Variants in USP49 observed in about 807,000 individuals in gnomAD.
The protein encoded by USP49 is ubiquitin specific peptidase 49.
In USP49, 24 loss-of-function variants were observed where a neutral mutation model predicts 58.6. The observed-to-expected ratio is 0.41, with a 90% confidence interval of 0.30 to 0.58. USP49 has a LOEUF of 0.58. USP49 is among the 20% of genes least tolerant of loss of function. USP49 has a pLI of 0.30. For synonymous variants in USP49, 408 were observed against 365.1 expected (o/e 1.12, Z -1.34); for missense variants, 703 against 866.1 (o/e 0.81, Z 2.36).
At chr6:41,854,256 G>A (rs1774087047) in intron 3 of USP49, among the ~76,000 whole-genome samples, 1 of 147,910 alleles carries the variant, frequency 6.8e-6, no homozygotes, top group South Asian at 2.1e-4. Context: ...GGCGGAGGTT[G>A]CAGTGAGCCA....
In USP49 at chr6:41,806,747, G is replaced by A; in HGVS notation, c.237C>T (p.Cys79=). 6.2e-7 allele frequency: 1 copy of A among 1,614,248 alleles called. No individual in the cohort carries two copies. Among genetic ancestry groups the A allele is most frequent in the Non-Finnish European group, 8.5e-7 (1 of 1,180,040 alleles). The part of the protein sequence containing the change: ...VRDLYVFCYL[C]KDYVLNDNPE... Reference sequence around the variant, plus strand: ...GGTTATCATTGAGCACGTAGTCCTTGCACAGGTAACAGAACACGTAGAGAT... The same window carrying A: ...GGTTATCATTGAGCACGTAGTCCTTACACAGGTAACAGAACACGTAGAGAT... The change falls in exon 4 of 8, where the codon TGC becomes TGT. Residue 79 remains cysteine (C), a synonymous_variant. Transcript: ENST00000682992. The surrounding 1 kb of genome is among the most constrained non-coding windows in gnomAD (Gnocchi z 5.9).
intron 3 of USP49, among the ~76,000 whole-genome samples, chr6:41,867,565 A>C (rs1411898104): frequency 6.9e-6 from 1 of 145,558 alleles, no homozygotes; most frequent in African/African-American, 2.5e-5. Context: ...AATATGGTGA[A>C]ACCCCGTCTC....
rs752915476 is a variant in USP49 at position 41,806,562 on chromosome 6, G to A, written c.422C>T (p.Thr141Met). Residue 141 changes from threonine to methionine, a missense_variant, in exon 4 of 8, where the codon ACG becomes ATG. Physicochemically the swap from Thr to Met is moderately conservative, Grantham distance 81. Around this residue, in one of 6 missense-constraint regions of USP49, gnomAD observed 376 missense variants for 373.5 expected, o/e 1.01. Transcript: ENST00000682992. This position sits in a 1 kb window ranked among gnomAD's most constrained non-coding sequence, Gnocchi z 5.9. ...RAPQGQPQML[T>M]ALWYRRQRLL... ...GCGCTGACGCCGGTACCACAGAGCCGTGAGCATCTGCGGCTGTCCCTGAGG... is the reference window on the plus strand; with the variant it reads ...GCGCTGACGCCGGTACCACAGAGCCATGAGCATCTGCGGCTGTCCCTGAGG... 5 of 1,602,826 alleles carry A rather than the reference G, an allele frequency of 3.1e-6. No individual in the cohort carries two copies. The African/African-American group carries it at 4.0e-5, about 13-fold the overall frequency.
Position 41,797,259 on chromosome 6 carries a change from C to T in USP49, c.1877-536G>A, listed in dbSNP as rs117650594. 8.1e-4 allele frequency among the ~76,000 whole-genome samples: 123 copies of T among 152,266 alleles called. 2 individuals are homozygous for T. In the East Asian group the frequency reaches 0.022, roughly 27 times the overall value. On this transcript the variant is annotated intron_variant, in intron 7 of 7. Transcript: ENST00000682992. The stretch of plus-strand genomic sequence containing the variant: ...ACAGGCGTGAGCCACCGCACCCAGC[C>T]GACTGACTGCAATTTTTATCTTTGT...
intron 3 of USP49, among the ~76,000 whole-genome samples, chr6:41,862,856 C>T (rs1774247330): frequency 6.6e-6 from 1 of 151,004 alleles, no homozygotes; most frequent in Non-Finnish European, 1.5e-5. Context: ...TCACTGCAAC[C>T]TCCACCTCCC....
At chr6:41,869,267 T>G (rs991971505) in intron 3 of USP49, among the ~76,000 whole-genome samples, 1 of 152,088 alleles carries the variant, frequency 6.6e-6, no homozygotes, top group Admixed American at 6.6e-5. Context: ...CCAGGTACAG[T>G]GGTACCTATA....
chr6:41,809,344 G>A (rs1773203129), intron 3 of USP49, among the ~76,000 whole-genome samples: 1 of 151,714 alleles, frequency 6.6e-6, no homozygotes, highest in Non-Finnish European at 1.5e-5. Flanking sequence ...CCAACATGGT[G>A]AAACCCCATC....
intron 3 of USP49, among the ~76,000 whole-genome samples, chr6:41,854,631 T>C (rs966446149): frequency 5.9e-5 from 9 of 152,328 alleles, no homozygotes; most frequent in African/African-American, 1.9e-4. Context: ...TGCATGTTGA[T>C]GATAGCAGAT....
chr6:41,888,221 AT>A (rs1774749616), intron 2 of USP49, among the ~76,000 whole-genome samples: 1 of 151,604 alleles, frequency 6.6e-6, no homozygotes, highest in Non-Finnish European at 1.5e-5. Flanking sequence ...TGCCCAGCTA[AT>A]TTTTGTATTT....
chr6:41,857,559 T>C (rs986567015), intron 3 of USP49, among the ~76,000 whole-genome samples: 12 of 152,134 alleles, frequency 7.9e-5, no homozygotes, highest in Non-Finnish European at 1.6e-4. Flanking sequence ...GGCAGGAGGA[T>C]CACTTAAGCC....
intron 3 of USP49, among the ~76,000 whole-genome samples, chr6:41,819,310 C>T (rs1773413772): frequency 6.6e-6 from 1 of 152,148 alleles, no homozygotes; most frequent in Middle Eastern, 3.4e-3. Flanking sequence ...TAATGGCTCC[C>T]TGTTCTCTAC....
Position 41,895,342 on chromosome 6 carries a change from C to T in USP49, c.-203G>A, listed in dbSNP as rs1774881321. ...TATTTACCGCCATCATCAGCACGCG[C>T]GAGCTGTCACCAGGGCGCGAGACAA... On this transcript the variant is annotated 5_prime_UTR_variant, in exon 1 of 8. Coordinates refer to ENST00000682992, the MANE Select transcript of USP49 (RefSeq NM_001286554.2). 1 of 150,540 alleles carries T rather than the reference C, an allele frequency of 6.6e-6. No individual in the cohort carries two copies. The highest frequency in any genetic ancestry group is 1.5e-5 in the Non-Finnish European group (1 of 67,490). 9.3% of individuals were successfully genotyped at this position (150,540 alleles called of 1,614,324 possible).
At position 41,806,420 on chromosome 6, in the gene USP49, C is replaced by T; in HGVS notation, c.564G>A (p.Arg188=). 6.3e-7 allele frequency: 1 copy of T among 1,575,404 alleles called. No individual in the cohort carries two copies. Among genetic ancestry groups the T allele is most frequent in the Non-Finnish European group, 8.6e-7 (1 of 1,169,186 alleles). The stretch of plus-strand genomic sequence containing the variant: ...GCAGCCGCCGTTTCACCTCGCGCCG[C>T]CGCCTCCGCGCCTCCTCCTTCTTGC... ...LERKKEEARR[R]RREVKRRLLE... The change falls in exon 4 of 8, where the codon CGG becomes CGA. Residue 188 remains arginine (R), a synonymous_variant. Coordinates refer to ENST00000682992, the MANE Select transcript of USP49 (RefSeq NM_001286554.2). The surrounding 1 kb of genome is among the most constrained non-coding windows in gnomAD (Gnocchi z 5.9).
rs147570826 is a variant in USP49 at position 41,806,855 on chromosome 6, G to T, written c.129C>A (p.His43Gln). The T allele has an allele frequency of 6.2e-7, 1 of 1,613,994 alleles. No individual in the cohort carries two copies. Among genetic ancestry groups the T allele is most frequent in the African/African-American group, 1.3e-5 (1 of 74,894 alleles). Residue 43 changes from histidine (H) to glutamine (Q), a missense_variant, in exon 4 of 8, where the codon CAC becomes CAA. His to Gln is a conservative substitution (Grantham distance 24, BLOSUM62 0). Coordinates refer to ENST00000682992, the MANE Select transcript of USP49 (RefSeq NM_001286554.2). The surrounding 1 kb of genome is among the most constrained non-coding windows in gnomAD (Gnocchi z 5.9). ...CCTCAATATAGCGGCCGCAGGCCACGTGGGAGCACTTGAGGCAGGCCCACA... is the reference window on the plus strand; with the variant it reads ...CCTCAATATAGCGGCCGCAGGCCACTTGGGAGCACTTGAGGCAGGCCCACA... ...ESVWACLKCS[H>Q]VACGRYIEDH...
chr6:41,806,668 T>C lies in USP49; in HGVS notation c.316A>G (p.Lys106Glu). 1.9e-6 allele frequency: 3 copies of C among 1,614,120 alleles called. No homozygotes were observed. The highest frequency in any genetic ancestry group is 1.7e-6 in the Non-Finnish European group (2 of 1,180,030). ...RSSLLAVRGQ[K>E]QDTPVRRGRT... Reference sequence around the variant, plus strand: ...CCACGTCTCACCGGCGTGTCCTGTTTCTGGCCCCGGACCGCCAGGAGGGAG... The same window carrying C: ...CCACGTCTCACCGGCGTGTCCTGTTCCTGGCCCCGGACCGCCAGGAGGGAG... Residue 106 changes from lysine (K) to glutamate (E), a missense_variant, in exon 4 of 8, where the codon AAA (lysine) becomes GAA (glutamate). By Grantham distance (56) the Lys-to-Glu change is moderately conservative. Transcript: ENST00000682992. This position sits in a 1 kb window ranked among gnomAD's most constrained non-coding sequence, Gnocchi z 5.9.
chr6:41,866,024 C>T (rs1473015796), intron 3 of USP49, among the ~76,000 whole-genome samples: 2 of 144,950 alleles, frequency 1.4e-5, no homozygotes, highest in African/African-American at 2.6e-5. Flanking sequence ...CAAGTTCAAG[C>T]GATTCTCCTC....
chr6:41,806,097 G>A lies in USP49; in HGVS notation c.887C>T (p.Ala296Val). Residue 296 changes from alanine (A) to valine (V), a missense_variant, in exon 4 of 8, where the codon GCC becomes GTC. This residue lies in a region of USP49 where 97 missense variants were observed against 88.0 expected (regional missense o/e 1.10). Transcript: ENST00000682992. The surrounding 1 kb of genome is among the most constrained non-coding windows in gnomAD (Gnocchi z 5.9). ...PSKTEHLFPK[A>V]TNGKTQLSGK... is the part of the protein sequence containing the mutation. The stretch of plus-strand genomic sequence containing the variant: ...AGAAAGCTGAGTCTTCCCGTTGGTG[G>A]CTTTGGGAAACAGATGTTCCGTTTT... 1 of 1,614,040 alleles carries A rather than the reference G, an allele frequency of 6.2e-7. No individual in the cohort carries two copies. Among genetic ancestry groups the A allele is most frequent in the Non-Finnish European group, 8.5e-7 (1 of 1,180,034 alleles).
At position 41,807,003 on chromosome 6, in the gene USP49, T is replaced by G; in HGVS notation, c.-20A>C. 1 of 1,440,164 alleles carries G rather than the reference T, an allele frequency of 6.9e-7. No individual in the cohort carries two copies. The allele number at this position is 1,440,164 out of a possible 1,614,324, so 89.2% of individuals were successfully genotyped here. The stretch of plus-strand genomic sequence containing the variant: ...ATCCATGTCTTATAGAAGTCGCCAC[T>G]TTCTCAACCTGGCACGACAGAGTCC... On this transcript the variant is annotated 5_prime_UTR_variant, in exon 4 of 8. Transcript: ENST00000682992.
intron 2 of USP49, among the ~76,000 whole-genome samples, chr6:41,875,310 C>G (rs962741414): frequency 1.3e-5 from 2 of 152,016 alleles, no homozygotes; most frequent in East Asian, 3.9e-4. Flanking sequence ...AATAACTTAA[C>G]CAAGATTATA....
Sources: gnomAD v4.1 joint callset for allele counts (sites outside exome capture counted in the v4.1 genomes callset) on GRCh38, gnomAD v4.1.1 for gene constraint, gnomAD v4.1.1 regional missense constraint, Gnocchi (gnomAD v3.1) non-coding constraint, MANE v1.5 for transcripts, NCBI Gene and HGNC (gene_info 2026-07-23, HGNC 2026-07-21) for gene names.